Variants in OSBPL6 observed in about 807,000 individuals in gnomAD.
OSBPL6 encodes oxysterol binding protein like 6.
In OSBPL6, 49 loss-of-function variants were observed where a neutral mutation model predicts 125.8. The ratio of observed to expected loss-of-function variants is 0.39; its 90% confidence interval spans 0.31 to 0.49. The LOEUF is 0.49. Among genes scored for constraint, OSBPL6 ranks in the 20% least tolerant of loss-of-function variants. OSBPL6 has a pLI of 0.88. For missense variants in OSBPL6, 986 were observed against 1,135.4 expected (o/e 0.87, Z 1.89); for synonymous variants, 394 against 391.8 (o/e 1.01, Z -0.07).
rs1009061875 is a variant in OSBPL6 at position 178,382,797 on chromosome 2, T to C, written c.1622-227T>C. ...TTTTAAAACTTAGCCTGTCTTGTCT[T>C]GAATGATATTTGAGTGTATCTAATG... On this transcript the variant is annotated intron_variant, in intron 16 of 24. Coordinates refer to ENST00000190611, the MANE Select transcript of OSBPL6 (RefSeq NM_032523.4). 8 of 1,413,652 alleles carry C rather than the reference T, an allele frequency of 5.7e-6. No homozygotes were observed. The African/African-American group carries it at 1.2e-4, about 20-fold the overall frequency. The allele number at this position is 1,413,652 out of a possible 1,614,324, so 87.6% of individuals were successfully genotyped here.
rs1225794683 is a variant in OSBPL6, at chr2:178,377,451, G to A, written c.1533+3424G>A. On this transcript the variant is annotated intron_variant, in intron 15 of 24. Coordinates refer to ENST00000190611, the MANE Select transcript of OSBPL6 (RefSeq NM_032523.4). The stretch of plus-strand genomic sequence containing the variant: ...GCCCCACCTCCAACACTGGGGATTA[G>A]ATTTCAGTGTGAGACTTGGATGGGG... Among the ~76,000 whole-genome samples, 4 of 152,220 alleles carry A rather than the reference G, an allele frequency of 2.6e-5. No homozygotes were observed. The South Asian group carries it at 6.2e-4, about 24-fold the overall frequency.
At chr2:178,287,485 A>C (rs967669745) in intron 2 of OSBPL6, among the ~76,000 whole-genome samples, 10 of 152,246 alleles carry the variant, frequency 6.6e-5, no homozygotes, top group Non-Finnish European at 4.4e-5. Context: ...ACTTGACAAC[A>C]TGCAGAGTTG....
At chr2:178,218,009 G>A (rs532194273) in intron 1 of OSBPL6, among the ~76,000 whole-genome samples, 1 of 152,310 alleles carries the variant, frequency 6.6e-6, no homozygotes, top group East Asian at 1.9e-4. Flanking sequence ...GTTCAATAGG[G>A]TTTTTGAGTG....
intron 22 of OSBPL6, among the ~76,000 whole-genome samples, 183 bp from the exon 23 acceptor site, chr2:178,392,229 T>A (rs1695468287): frequency 6.6e-6 from 1 of 152,232 alleles, no homozygotes; most frequent in South Asian, 2.1e-4. Flanking sequence ...TCAATTCTGA[T>A]CATCAACACA....
At chr2:178,282,461 A>G (rs1257195690) in intron 1 of OSBPL6, among the ~76,000 whole-genome samples, 1 of 152,200 alleles carries the variant, frequency 6.6e-6, no homozygotes, top group Admixed American at 6.5e-5. Flanking sequence ...TTAGAATGGT[A>G]AGAACTTGTG....
chr2:178,319,096 T>C (rs768730938), intron 3 of OSBPL6, among the ~76,000 whole-genome samples: 1 of 152,236 alleles, frequency 6.6e-6, no homozygotes, highest in Non-Finnish European at 1.5e-5. Flanking sequence ...AGATGAGGGT[T>C]GGTATGCTGG....
At chr2:178,310,997 T>C (rs1353345364) in intron 3 of OSBPL6, among the ~76,000 whole-genome samples, 4 of 152,190 alleles carry the variant, frequency 2.6e-5, no homozygotes, top group Non-Finnish European at 5.9e-5. Flanking sequence ...AGGTCATTCT[T>C]TACAGAGCAG....
intron 2 of OSBPL6, among the ~76,000 whole-genome samples, chr2:178,303,059 G>GCAC (rs1686443083): frequency 6.6e-6 from 1 of 152,202 alleles, no homozygotes; most frequent in Admixed American, 6.5e-5. Flanking sequence ...CTGTTTGCTG[G>GCAC]CACCACAGCT....
intron 1 of OSBPL6, among the ~76,000 whole-genome samples, chr2:178,210,753 A>C (rs2089811148): frequency 6.6e-6 from 1 of 151,736 alleles, no homozygotes; most frequent in Non-Finnish European, 1.5e-5. Context: ...CAGAGGGTGC[A>C]GTGAGCCCAG....
At chr2:178,228,377 T>C (rs1480261175) in intron 1 of OSBPL6, among the ~76,000 whole-genome samples, 1 of 151,958 alleles carries the variant, frequency 6.6e-6, no homozygotes, top group Non-Finnish European at 1.5e-5. Flanking sequence ...CTACTAAAAA[T>C]ACAAAAAATG....
intron 9 of OSBPL6, among the ~76,000 whole-genome samples, chr2:178,337,949 CT>C (rs755944128): frequency 3.6e-5 from 5 of 139,110 alleles, no homozygotes; most frequent in Admixed American, 7.8e-5. Context: ...TCAGTATTCT[CT>C]TTTTTTTTTG....
At position 178,399,457 on chromosome 2, in the gene OSBPL6, AC is replaced by A. The variant is rs1261515844; in HGVS notation, c.*3899del. The A allele has an allele frequency of 5.3e-5, 8 of 152,206 alleles. No homozygotes were observed. Among genetic ancestry groups the A allele is most frequent in the Non-Finnish European group, 8.8e-5 (6 of 68,016 alleles). The allele number at this position is 152,206 out of a possible 1,614,324, so 9.4% of individuals were successfully genotyped here. On this transcript the variant is annotated 3_prime_UTR_variant, in exon 25 of 25. Coordinates refer to ENST00000190611, the MANE Select transcript of OSBPL6 (RefSeq NM_032523.4). ...CATATATTTGTTATTGAATTGAAAG[AC>A]TTTTTTTGTAGCTTTTGCTTTTAAA...
At chr2:178,336,254 G>T (rs772872873) in intron 8 of OSBPL6, 47 bp from the exon 9 acceptor site, 1 of 1,577,740 alleles carries the variant, frequency 6.3e-7, no homozygotes, top group East Asian at 2.3e-5. Context: ...TTTAATCATT[G>T]AAATGTACTG....
chr2:178,307,842 T>C (rs996139801), intron 3 of OSBPL6, among the ~76,000 whole-genome samples: 14 of 152,058 alleles, frequency 9.2e-5, no homozygotes, highest in Non-Finnish European at 1.9e-4. Context: ...GACGGATGAC[T>C]CCTGTAGAAA....
intron 13 of OSBPL6, among the ~76,000 whole-genome samples, chr2:178,368,556 A>G (rs796746149): frequency 5.9e-5 from 9 of 152,292 alleles, no homozygotes; most frequent in African/African-American, 2.2e-4. Flanking sequence ...GAACTAGCAA[A>G]ATGCATCATT....
chr2:178,248,119 G>C (rs760778617), intron 1 of OSBPL6, among the ~76,000 whole-genome samples: 1 of 152,174 alleles, frequency 6.6e-6, no homozygotes, highest in Non-Finnish European at 1.5e-5. Context: ...CGAAGATTCA[G>C]AAAGGCTAAA....
intron 1 of OSBPL6, among the ~76,000 whole-genome samples, chr2:178,259,574 TTA>T (rs2091992212): frequency 6.6e-6 from 1 of 152,134 alleles, no homozygotes; most frequent in African/African-American, 2.4e-5. Flanking sequence ...TTTAACTTAA[TTA>T]TCTCTATTTT....
intron 15 of OSBPL6, among the ~76,000 whole-genome samples, chr2:178,374,241 A>G (rs1475196759): frequency 1.3e-5 from 2 of 152,228 alleles, no homozygotes; most frequent in Non-Finnish European, 2.9e-5. Context: ...TCAAGAATTT[A>G]AATTTGATGA....
At chr2:178,206,505 A>G (rs1304671524) in intron 1 of OSBPL6, among the ~76,000 whole-genome samples, 2 of 152,250 alleles carry the variant, frequency 1.3e-5, no homozygotes, top group Middle Eastern at 3.2e-3. Context: ...AGAAAGGGAT[A>G]GAAAATTTGA....
Sources: allele counts gnomAD v4.1 joint callset (sites outside exome capture counted in the v4.1 genomes callset), GRCh38; gene constraint gnomAD v4.1.1; transcripts MANE v1.5; gene names NCBI Gene and HGNC (gene_info 2026-07-23, HGNC 2026-07-21).